Variants in NSMAF observed in about 807,000 individuals in gnomAD.
NSMAF encodes the protein neutral sphingomyelinase activation associated factor.
Under a neutral mutation model 134.9 loss-of-function variants are expected in NSMAF, and 90 were observed. The observed-to-expected ratio is 0.67, with a 90% CI of 0.56 to 0.79. The LOEUF (loss-of-function observed/expected upper bound fraction) is 0.79, where lower values mean the gene tolerates loss of function less well. Among genes scored for constraint, NSMAF ranks in the 30% least tolerant of loss-of-function variants. NSMAF has a pLI of 0.00. For missense variants in NSMAF, 1,010 were observed against 1,119.0 expected, an observed-to-expected ratio of 0.90 and a Z score of 1.39; for synonymous variants, 358 against 389.6, an observed-to-expected ratio of 0.92 and a Z score of 0.96.
chr8:58,640,198 C>A, intron 2 of NSMAF: 1 of 371,516 alleles, frequency 2.7e-6, no homozygotes, highest in Non-Finnish European at 5.5e-6. Context: ...CTTATTCCCA[C>A]ACACACAAAA....
chr8:58,584,260 TTTACTCTGATGC>T, intron 30 of NSMAF, 60 bp from the exon 31 acceptor site: 1 of 1,164,330 alleles, frequency 8.6e-7, no homozygotes, highest in Non-Finnish European at 1.3e-6. Context: ...AAAGATAAAC[TTTACTCTGATGC>T]TTACTCTTGC....
At chr8:58,640,615 C>A (rs1208115744) in intron 2 of NSMAF, among the ~76,000 whole-genome samples, 1 of 152,076 alleles carries the variant, frequency 6.6e-6, no homozygotes, top group Non-Finnish European at 1.5e-5. Context: ...TTTCATCTTA[C>A]CAGAGATACA....
chr8:58,633,091 A>C (rs1398357029), intron 5 of NSMAF, among the ~76,000 whole-genome samples: 1 of 152,026 alleles, frequency 6.6e-6, no homozygotes, highest in East Asian at 1.9e-4. Flanking sequence ...CCCCAGAGAG[A>C]CTTACATACA....
chr8:58,654,756 T>C (rs546978566), intron 1 of NSMAF, among the ~76,000 whole-genome samples: 1 of 152,314 alleles, frequency 6.6e-6, no homozygotes, highest in South Asian at 2.1e-4. Flanking sequence ...AAGAATTTAT[T>C]CTATGACATT....
At position 58,597,566 on chromosome 8, in the gene NSMAF, CAAAT is replaced by C. The variant is rs763609265; in HGVS notation, c.1629-20_1629-17del. 1.9e-5 allele frequency: 30 copies of C among 1,612,670 alleles called. No homozygotes were observed. The East Asian group carries it at 6.2e-4, about 34-fold the overall frequency. On this transcript the variant is annotated splice_polypyrimidine_tract_variant and intron_variant, in intron 20 of 30. Coordinates refer to ENST00000038176, the MANE Select transcript of NSMAF (RefSeq NM_003580.4). ...ATCCTGGATGCTTTGGGACAGAACA[CAAAT>C]AATGCAGTGAACCACTAGGTTCGAG...
chr8:58,603,266 A>G lies in NSMAF; in HGVS notation c.989T>C (p.Leu330Pro), dbSNP rs772354251. Residue 330 changes from leucine to proline, a missense_variant, in exon 13 of 31, where the codon CTC becomes CCC. Physicochemically the swap from Leu to Pro is moderately conservative, Grantham distance 98 (BLOSUM62 -3). Coordinates refer to ENST00000038176, the MANE Select transcript of NSMAF (RefSeq NM_003580.4). ...CCATGGAAACACAGGGTACTGGGAG[A>G]GGTCGTTGCAGCTGCGGTCGGCCAG... ...NNLADRSCND[L>P]SQYPVFPWII... 6.2e-7 allele frequency: 1 copy of G among 1,614,170 alleles called. No homozygotes were observed. The highest frequency in any genetic ancestry group is 1.1e-5 in the South Asian group (1 of 91,086).
rs188255362 is a variant in NSMAF, at chr8:58,597,326, A to T, written c.1792+61T>A. The T allele has an allele frequency of 4.2e-4, 609 of 1,458,128 alleles. 9 individuals carry two copies. In the East Asian group the frequency reaches 0.014, roughly 32 times the overall value. The allele number at this position is 1,458,128 out of a possible 1,614,324, so 90.3% of individuals were successfully genotyped here. On this transcript the variant is annotated intron_variant, in intron 21 of 30. Coordinates refer to ENST00000038176, the MANE Select transcript of NSMAF (RefSeq NM_003580.4). The stretch of plus-strand genomic sequence containing the variant: ...TATACGTCTTATCTCCTCTTCAGAA[A>T]CATTTTCATCACAGAAGAGAAACAA...
At chr8:58,590,522 G>A (rs935063756) in intron 24 of NSMAF, among the ~76,000 whole-genome samples, 1 of 152,168 alleles carries the variant, frequency 6.6e-6, no homozygotes, top group Admixed American at 6.5e-5. Context: ...AGAAGAATTG[G>A]TTTTGTCATA....
intron 2 of NSMAF, among the ~76,000 whole-genome samples, chr8:58,636,878 T>C (rs1400908604): frequency 6.6e-6 from 1 of 152,190 alleles, no homozygotes; most frequent in Non-Finnish European, 1.5e-5. Context: ...CAACTTTACT[T>C]ATCAGCAATT....
At chr8:58,604,005 A>G (rs1806345586) in intron 12 of NSMAF, among the ~76,000 whole-genome samples, 1 of 152,174 alleles carries the variant, frequency 6.6e-6, no homozygotes, top group African/African-American at 2.4e-5. Context: ...TCTTAGATAA[A>G]TGCAGCAATG....
chr8:58,613,793 C>T (rs568905644), intron 9 of NSMAF, among the ~76,000 whole-genome samples: 9 of 152,198 alleles, frequency 5.9e-5, no homozygotes, highest in Non-Finnish European at 1.2e-4. Context: ...AAAAGTGTTT[C>T]GGATTTTGGA....
intron 16 of NSMAF, 147 bp from the exon 17 acceptor site, chr8:58,600,168 C>T (rs1585732848): frequency 3.1e-6 from 2 of 636,810 alleles, no homozygotes; most frequent in East Asian, 5.5e-5. Flanking sequence ...CTCTGAGTGT[C>T]CCACTTTAAC....
intron 7 of NSMAF, 46 bp from the exon 8 acceptor site, chr8:58,623,470 A>G (rs1336988031): frequency 6.4e-7 from 1 of 1,562,940 alleles, no homozygotes; most frequent in Non-Finnish European, 8.8e-7. Context: ...CTCTCAGATG[A>G]TATGAAGTAT....
In NSMAF at chr8:58,586,599, T is replaced by C. The variant is rs775970470; in HGVS notation, c.2305A>G (p.Ile769Val). 5 of 1,612,768 alleles carry C rather than the reference T, an allele frequency of 3.1e-6. No homozygotes were observed. The highest frequency in any genetic ancestry group is 2.2e-5 in the South Asian group (2 of 90,844). ...AGTGTGCTTGCAGCATTTAAACTGA[T>C]TGTATCTACCTAAGGAAGAAAACAC... Reference protein sequence around the residue: ...ELEHDVSVDTISLNAASTLLV... With the variant: ...ELEHDVSVDTVSLNAASTLLV... Residue 769 changes from isoleucine (I) to valine (V), a missense_variant, in exon 28 of 31, where the codon ATC becomes GTC. Ile to Val is a conservative substitution (Grantham distance 29). Coordinates refer to ENST00000038176, the MANE Select transcript of NSMAF (RefSeq NM_003580.4).
At chr8:58,609,918 A>T (rs370482926) in intron 9 of NSMAF, among the ~76,000 whole-genome samples, 185 bp from the exon 10 acceptor site, 201 of 152,340 alleles carry the variant, frequency 1.3e-3, no homozygotes, top group African/African-American at 4.4e-3. Context: ...GGCATGATAA[A>T]AACTCATTTT....
chr8:58,645,768 C>T (rs1420195647), intron 1 of NSMAF, among the ~76,000 whole-genome samples: 1 of 152,170 alleles, frequency 6.6e-6, no homozygotes, highest in African/African-American at 2.4e-5. Context: ...AGGCCAGGCG[C>T]AGCGGCTCAC....
Position 58,585,704 on chromosome 8 carries a change from G to T in NSMAF, c.2607C>A (p.Leu869=). 1 of 1,614,094 alleles carries T rather than the reference G, an allele frequency of 6.2e-7. No individual in the cohort carries two copies. Among genetic ancestry groups the T allele is most frequent in the Non-Finnish European group, 8.5e-7 (1 of 1,179,982 alleles). Residue 869 remains leucine (L), a synonymous_variant, in exon 30 of 31, where the codon CTC becomes CTA. Coordinates refer to ENST00000038176, the MANE Select transcript of NSMAF (RefSeq NM_003580.4). ...VLSGSQSGEL[L]VWDLLGAKIS... Reference sequence around the variant, plus strand: ...TTTTTGCTCCAAGGAGGTCCCAAACGAGCAGTTCACCAGACTGACTGCCAG... The same window carrying T: ...TTTTTGCTCCAAGGAGGTCCCAAACTAGCAGTTCACCAGACTGACTGCCAG...
At position 58,621,194 on chromosome 8, in the gene NSMAF, G is replaced by A. The variant is rs546023700; in HGVS notation, c.557+2026C>T. On this transcript the variant is annotated intron_variant, in intron 9 of 30. Transcript: ENST00000038176. ...AGTTCCTACTTATAAGTGAGAACAT[G>A]CAGTGTTAGTTTTCTATTCCCACAT... Among the ~76,000 whole-genome samples, 19 of 152,258 alleles carry A rather than the reference G, an allele frequency of 1.2e-4. No homozygotes were observed. The South Asian group carries it at 3.5e-3, about 28-fold the overall frequency.
intron 9 of NSMAF, among the ~76,000 whole-genome samples, chr8:58,614,726 T>C (rs770152006): frequency 7.2e-5 from 11 of 152,298 alleles, no homozygotes; most frequent in Non-Finnish European, 1.2e-4. Flanking sequence ...GCCTGGTGCA[T>C]TCAATAAAAG....
Sources: allele counts gnomAD v4.1 joint callset (sites outside exome capture counted in the v4.1 genomes callset), GRCh38; gene constraint gnomAD v4.1.1; transcripts MANE v1.5; gene names NCBI Gene and HGNC (gene_info 2026-07-23, HGNC 2026-07-21).